Variants in RUBCNL observed in about 807,000 individuals in gnomAD.
The protein encoded by RUBCNL is protein associated with UVRAG as autophagy enhancer.
RUBCNL carries 62 observed loss-of-function variants against 69.5 expected under a neutral mutation model. That is an observed-to-expected ratio of 0.89 (90% confidence interval 0.73 to 1.10). The LOEUF is 1.10. RUBCNL is among the 50% of genes least tolerant of loss of function. RUBCNL has a pLI of 0.00. For missense variants in RUBCNL, 768 were observed against 798.1 expected (o/e 0.96, Z 0.45); for synonymous variants, 291 against 303.6 (o/e 0.96, Z 0.43).
chr13:46,372,412 G>A lies in RUBCNL; in HGVS notation c.64C>T (p.His22Tyr), dbSNP rs199754030. 14 of 1,613,232 alleles carry A rather than the reference G, an allele frequency of 8.7e-6. No homozygotes were observed. In the East Asian group the frequency reaches 1.6e-4, roughly 18 times the overall value. Residue 22 changes from histidine (H) to tyrosine (Y), a missense_variant, in exon 3 of 15, where the codon CAC becomes TAC. By Grantham distance (83) the His-to-Tyr change is moderately conservative. Transcript: ENST00000429979. Reference sequence around the variant, plus strand: ...GGCGAACCATCAATAATGCCAGAGTGATCGCTGATCCCTTCCCAGGGCTCC... The same window carrying A: ...GGCGAACCATCAATAATGCCAGAGTAATCGCTGATCCCTTCCCAGGGCTCC... ...PVEPWEGISDHSGIIDGSPRL... is the reference protein window; with the variant it reads ...PVEPWEGISDYSGIIDGSPRL...
At chr13:46,380,419 G>A (rs2049093523) in intron 1 of RUBCNL, among the ~76,000 whole-genome samples, 1 of 152,118 alleles carries the variant, frequency 6.6e-6, no homozygotes, top group South Asian at 2.1e-4. Flanking sequence ...CCAAAGTCTC[G>A]CCATTAGTAA....
chr13:46,368,305 T>C lies in RUBCNL; in HGVS notation c.619-56A>G, dbSNP rs182634193. 2,701 of 1,526,674 alleles carry C rather than the reference T, an allele frequency of 1.8e-3. 1 individual carries two copies. The highest frequency in any genetic ancestry group is 2.2e-3 in the Non-Finnish European group (2,479 of 1,126,602). The allele number at this position is 1,526,674 out of a possible 1,614,324, so 94.6% of individuals were successfully genotyped here. A position where few individuals can be genotyped will look rare whatever the true frequency, so the allele number is the denominator to read the frequency against. On this transcript the variant is annotated intron_variant, in intron 4 of 14. Transcript: ENST00000429979. ...GCATAATCAACTTTTTCATGGAGGG[T>C]ATATTAGATTTGAAAAATCAATATG...
intron 3 of RUBCNL, 53 bp downstream of exon 3, chr13:46,371,888 C>T (rs144201783): frequency 8.7e-5 from 136 of 1,563,080 alleles, no homozygotes; most frequent in Admixed American, 1.6e-4. Flanking sequence ...TAGAGCAAGG[C>T]GAAGCAAGGG....
At chr13:46,386,793 C>T (rs1040663351) in intron 1 of RUBCNL, among the ~76,000 whole-genome samples, 1 of 152,116 alleles carries the variant, frequency 6.6e-6, no homozygotes, top group African/African-American at 2.4e-5. Flanking sequence ...GGACGCAGGG[C>T]GCAGGCTTTG....
At chr13:46,378,683 T>A (rs563368143) in intron 1 of RUBCNL, 1 of 152,324 alleles carries the variant, frequency 6.6e-6, no homozygotes, top group Admixed American at 6.5e-5. Flanking sequence ...GATAGATGCC[T>A]CAGTGCCACC....
In RUBCNL at chr13:46,338,577, A is replaced by G. The variant is rs1040140035; in HGVS notation, c.*4808T>C. Among the ~76,000 whole-genome samples, 1 of 152,094 alleles carries G rather than the reference A, an allele frequency of 6.6e-6. No homozygotes were observed. The highest frequency in any genetic ancestry group is 1.5e-5 in the Non-Finnish European group (1 of 68,012). On this transcript the variant is annotated 3_prime_UTR_variant, in exon 15 of 15. Transcript: ENST00000429979. ...GCGCTTGCCCTTTGTCTCCTCACCA[A>G]TGGGGATGTACGTAGCCCGAGGAAG...
chr13:46,353,658 C>T (rs973937555), intron 10 of RUBCNL, among the ~76,000 whole-genome samples: 10 of 152,182 alleles, frequency 6.6e-5, no homozygotes, highest in African/African-American at 2.4e-4. Flanking sequence ...CGACAAAGTC[C>T]ATGGTACTGA....
At chr13:46,346,483 C>T (rs1237887182) in intron 12 of RUBCNL, among the ~76,000 whole-genome samples, 1 of 152,158 alleles carries the variant, frequency 6.6e-6, no homozygotes, top group Non-Finnish European at 1.5e-5. Context: ...ACACTCAGTC[C>T]AGCAGTGATC....
intron 5 of RUBCNL, among the ~76,000 whole-genome samples, chr13:46,365,390 C>T (rs188817191): frequency 6.6e-6 from 1 of 151,450 alleles, no homozygotes. Flanking sequence ...AACACAGTTG[C>T]ATTGCATGGG....
rs1385924526 is a variant in RUBCNL at position 46,345,605 on chromosome 13, C to T, written c.1632-5G>A. ...TGCTCGAACTCCTTTAATGCACTGC[C>T]AGAGAGGAAACAAAGAGGAATTCAG... is the stretch of plus-strand genomic sequence containing the variant. On this transcript the variant is annotated splice_polypyrimidine_tract_variant and splice_region_variant and intron_variant, in intron 12 of 14. Coordinates refer to ENST00000429979, the MANE Select transcript of RUBCNL (RefSeq NM_025113.5). 1 of 1,612,934 alleles carries T rather than the reference C, an allele frequency of 6.2e-7. No homozygotes were observed. Among genetic ancestry groups the T allele is most frequent in the Non-Finnish European group, 8.5e-7 (1 of 1,179,528 alleles).
At position 46,361,550 on chromosome 13, in the gene RUBCNL, T is replaced by C. The variant is rs151242987; in HGVS notation, c.1010A>G (p.Asn337Ser). 162 of 1,606,184 alleles carry C rather than the reference T, an allele frequency of 1.0e-4. No homozygotes were observed. The African/African-American group carries it at 1.4e-3, about 14-fold the overall frequency. Residue 337 changes from asparagine (N) to serine (S), a missense_variant, in exon 8 of 15, where the codon AAT (asparagine) becomes AGT (serine). Asn to Ser is a conservative substitution (Grantham distance 46). Transcript: ENST00000429979. Reference sequence around the variant, plus strand: ...CTCTTTGGCTAATAGTTCTGCAGAATTGAAGTCTGGCTCATAAGTGACACT... The same window carrying C: ...CTCTTTGGCTAATAGTTCTGCAGAACTGAAGTCTGGCTCATAAGTGACACT... The part of the protein sequence containing the change: ...SKSVTYEPDF[N>S]SAELLAKELY...
At chr13:46,365,837 T>C (rs990563398) in intron 5 of RUBCNL, among the ~76,000 whole-genome samples, 1 of 152,074 alleles carries the variant, frequency 6.6e-6, no homozygotes, top group African/African-American at 2.4e-5. Flanking sequence ...GGACAAAAAG[T>C]TGTGATCCAG....
At position 46,361,493 on chromosome 13, in the gene RUBCNL, A is replaced by T. The variant is rs41308552; in HGVS notation, c.1067T>A (p.Leu356Gln). The T allele has an allele frequency of 5.9e-5, 95 of 1,613,876 alleles. No individual in the cohort carries two copies. Among genetic ancestry groups the T allele is most frequent in the Middle Eastern group, 1.6e-4 (1 of 6,084 alleles). Residue 356 changes from leucine (L) to glutamine (Q), a missense_variant, in exon 8 of 15, where the codon CTG (leucine) becomes CAG (glutamine). Leu to Gln is a moderately radical substitution (Grantham distance 113). Coordinates refer to ENST00000429979, the MANE Select transcript of RUBCNL (RefSeq NM_025113.5). ...TGCCAGCTGAGAATTAACTACTGAC[A>T]GTATCCAGCACTTCTGGAACACGCG... ...LYRVFQKCWI[L>Q]SVVNSQLAGS... is the part of the protein sequence containing the mutation.
At chr13:46,359,392 A>G (rs2048560709) in intron 9 of RUBCNL, 94 bp downstream of exon 9, 2 of 991,354 alleles carry the variant, frequency 2.0e-6, no homozygotes, top group Middle Eastern at 3.3e-4. Context: ...TCTTTAGCAT[A>G]TGTATTTTTT....
At position 46,368,066 on chromosome 13, in the gene RUBCNL, T is replaced by C. The variant is rs1489902833; in HGVS notation, c.802A>G (p.Thr268Ala). 2.5e-6 allele frequency: 4 copies of C among 1,613,968 alleles called. No homozygotes were observed. The highest frequency in any genetic ancestry group is 4.5e-5 in the East Asian group (2 of 44,870). ...TNIKQESGSS[T>A]SSYSGYEGCA... The stretch of plus-strand genomic sequence containing the variant: ...CCTTCATAGCCACTGTATGAAGAAG[T>C]AGAAGACCCAGACTCTTGCTTTATG... Residue 268 changes from threonine (T) to alanine (A), a missense_variant, in exon 5 of 15, where the codon ACT becomes GCT. By Grantham distance (58) the Thr-to-Ala change is moderately conservative. Coordinates refer to ENST00000429979, the MANE Select transcript of RUBCNL (RefSeq NM_025113.5).
At chr13:46,370,970 G>T (rs2048864014) in intron 3 of RUBCNL, among the ~76,000 whole-genome samples, 1 of 150,104 alleles carries the variant, frequency 6.7e-6, no homozygotes, top group Admixed American at 6.6e-5. Context: ...CTCAAACTTG[G>T]TCCTTATCTC....
rs537929164 is a variant in RUBCNL at position 46,336,577 on chromosome 13, T to C, written c.*6808A>G. ...TTAGCTAGACTTTTTTATTTTATTA[T>C]ATTTTATTATAAAACAGTATTCTCT... is the stretch of plus-strand genomic sequence containing the variant. On this transcript the variant is annotated 3_prime_UTR_variant, in exon 15 of 15. Transcript: ENST00000429979. 6.6e-6 allele frequency among the ~76,000 whole-genome samples: 1 copy of C among 152,258 alleles called. No homozygotes were observed. The highest frequency in any genetic ancestry group is 2.4e-5 in the African/African-American group (1 of 41,554).
At chr13:46,375,481 C>T (rs1407807233) in intron 2 of RUBCNL, among the ~76,000 whole-genome samples, 1 of 152,120 alleles carries the variant, frequency 6.6e-6, no homozygotes, top group Non-Finnish European at 1.5e-5. Flanking sequence ...TGCAGTGAGA[C>T]AAGATCATGC....
intron 2 of RUBCNL, among the ~76,000 whole-genome samples, chr13:46,375,304 G>A (rs192716739): frequency 0.012 from 1,788 of 152,316 alleles, 27 homozygotes; most frequent in Non-Finnish European, 0.015. Context: ...AGGCCAAGGC[G>A]GGTGGAGAAC....
Sources: allele counts gnomAD v4.1 joint callset (sites outside exome capture counted in the v4.1 genomes callset), GRCh38; gene constraint gnomAD v4.1.1; transcripts MANE v1.5; gene names NCBI Gene and HGNC (gene_info 2026-07-23, HGNC 2026-07-21).